SIAH1: variants seen among roughly 807,000 people sequenced by gnomAD.
SIAH1 encodes E3 ubiquitin-protein ligase SIAH1.
In SIAH1, 2 loss-of-function variants were observed where a neutral mutation model predicts 20.0. The observed-to-expected ratio is 0.10, with a 90% confidence interval of 0.04 to 0.31. The LOEUF is 0.31. SIAH1 is among the 10% of genes least tolerant of loss of function. SIAH1 has a pLI of 1.00. For missense variants in SIAH1, 119 were observed against 355.3 expected, an observed-to-expected ratio of 0.33 and a Z score of 5.35; for synonymous variants, 118 against 125.3, an observed-to-expected ratio of 0.94 and a Z score of 0.39.
At chr16:48,380,241 C>T (rs1961237343) in intron 1 of SIAH1, among the ~76,000 whole-genome samples, 1 of 151,586 alleles carries the variant, frequency 6.6e-6, no homozygotes, top group South Asian at 2.1e-4. Flanking sequence ...CAGGAGTTCA[C>T]CAGGCTGGCC....
chr16:48,378,837 G>C (rs1417131070), intron 1 of SIAH1, among the ~76,000 whole-genome samples: 1 of 152,166 alleles, frequency 6.6e-6, no homozygotes, highest in Non-Finnish European at 1.5e-5. Flanking sequence ...TTATCTGGCT[G>C]CATCTTCCAT....
chr16:48,370,620 T>G (rs939248653), intron 1 of SIAH1, among the ~76,000 whole-genome samples: 1 of 151,800 alleles, frequency 6.6e-6, no homozygotes. Flanking sequence ...TTATCGAGAC[T>G]ACAGTGAAAC....
At chr16:48,371,113 TCAAA>T (rs1960976353) in intron 1 of SIAH1, among the ~76,000 whole-genome samples, 1 of 35,154 alleles carries the variant, frequency 2.8e-5, no homozygotes. Context: ...AAATTCCATC[TCAAA>T]AAAAAAAAAA....
intron 1 of SIAH1, among the ~76,000 whole-genome samples, chr16:48,369,433 CA>C (rs1960927240): frequency 1.3e-5 from 2 of 152,176 alleles, no homozygotes; most frequent in Non-Finnish European, 2.9e-5. Flanking sequence ...TTGAGGCTTC[CA>C]CCCAAGCTAA....
intron 1 of SIAH1, among the ~76,000 whole-genome samples, chr16:48,374,718 A>T (rs1961062648): frequency 6.6e-6 from 1 of 152,148 alleles, no homozygotes; most frequent in Non-Finnish European, 1.5e-5. Flanking sequence ...AGAAGAAAAC[A>T]AAGCCAAAAT....
chr16:48,362,552 G>A lies in SIAH1; in HGVS notation c.-2-122C>T, dbSNP rs1960635708. The A allele has an allele frequency of 3.2e-6, 3 of 944,498 alleles. No homozygotes were observed. The East Asian group carries it at 7.9e-5, about 25-fold the overall frequency. The allele number at this position is 944,498 out of a possible 1,614,324, so 58.5% of individuals were successfully genotyped here. ...ATACAAAATTTACTGAGCAAAAGAG[G>A]AAGAAAAATAGGATTAAAAAAGATA... On this transcript the variant is annotated intron_variant, in intron 1 of 1. Transcript: ENST00000394725. This position sits in a 1 kb window ranked among gnomAD's most constrained non-coding sequence, Gnocchi z 4.2.
At chr16:48,371,008 G>A (rs1165571127) in intron 1 of SIAH1, among the ~76,000 whole-genome samples, 7 of 151,876 alleles carry the variant, frequency 4.6e-5, no homozygotes, top group African/African-American at 1.7e-4. Flanking sequence ...CAGCTACTAC[G>A]GAAGCTGAGG....
intron 1 of SIAH1, among the ~76,000 whole-genome samples, chr16:48,373,445 C>T (rs1961032386): frequency 6.6e-6 from 1 of 152,184 alleles, no homozygotes; most frequent in Admixed American, 6.5e-5. Flanking sequence ...GCCTTCGAGT[C>T]AGCCTTGATT....
chr16:48,384,943 C>A (rs1163153671), intron 1 of SIAH1, among the ~76,000 whole-genome samples: 9 of 145,766 alleles, frequency 6.2e-5, no homozygotes, highest in African/African-American at 2.2e-4. Context: ...GCGGGGCCGA[C>A]CCCCGCCGCC....
intron 1 of SIAH1, among the ~76,000 whole-genome samples, chr16:48,364,302 T>G (rs928790506): frequency 1.3e-5 from 2 of 152,224 alleles, no homozygotes; most frequent in Non-Finnish European, 2.9e-5. Flanking sequence ...ATAGTCATTC[T>G]GTTGCAAGGA....
chr16:48,364,109 C>T (rs887598766), intron 1 of SIAH1, among the ~76,000 whole-genome samples: 4 of 151,830 alleles, frequency 2.6e-5, no homozygotes, highest in South Asian at 2.1e-4. Flanking sequence ...GCCACCATGC[C>T]CGACTAATTT....
At position 48,362,332 on chromosome 16, in the gene SIAH1, T is replaced by C; in HGVS notation, c.97A>G (p.Asn33Asp). The change falls in exon 2 of 2, where the codon AAT becomes GAT. Residue 33 changes from asparagine (N) to aspartate (D), a missense_variant. Transcript: ENST00000394725. This position sits in a 1 kb window ranked among gnomAD's most constrained non-coding sequence, Gnocchi z 4.2. ...PALTGTTASN[N>D]DLASLFECPV... ...CACTCAAAAAGACTCGCCAAGTCAT[T>C]GTTGGATGCAGTTGTGCCAGTCAGG... 1 of 1,614,130 alleles carries C rather than the reference T, an allele frequency of 6.2e-7. No homozygotes were observed. Among genetic ancestry groups the C allele is most frequent in the Non-Finnish European group, 8.5e-7 (1 of 1,180,018 alleles).
chr16:48,386,235 G>C (rs1418316490), upstream of SIAH1, among the ~76,000 whole-genome samples: 1 of 152,182 alleles, frequency 6.6e-6, no homozygotes, highest in Non-Finnish European at 1.5e-5. Context: ...GTCCGGACGC[G>C]GTGGCTCACG....
In SIAH1 at chr16:48,377,390, C is replaced by CTTT. The variant is rs774317002; in HGVS notation, c.-3+7811_-3+7813dup. Among the ~76,000 whole-genome samples the CTTT allele has an allele frequency of 3.0e-4, 39 of 132,092 alleles. 1 individual carries two copies. The highest frequency in any genetic ancestry group is 9.2e-4 in the Admixed American group (12 of 13,012). 86.7% of individuals were successfully genotyped at this position (132,092 alleles called of 152,430 possible). A position where few individuals can be genotyped will look rare whatever the true frequency, so the allele number is the denominator to read the frequency against. ...ACATTAAACCTAAAGTTCTGGAAGA[C>CTTT]TTTTTTTTTTTTTTTTTTTGAGACA... On this transcript the variant is annotated intron_variant, in intron 1 of 1. Transcript: ENST00000394725.
intron 1 of SIAH1, among the ~76,000 whole-genome samples, chr16:48,383,536 C>T (rs796638061): frequency 7.9e-5 from 12 of 152,340 alleles, no homozygotes; most frequent in African/African-American, 2.9e-4. Flanking sequence ...ACCATAGATA[C>T]ACACTCAAGT....
At chr16:48,367,952 T>C (rs1960883944) in intron 1 of SIAH1, among the ~76,000 whole-genome samples, 1 of 152,024 alleles carries the variant, frequency 6.6e-6, no homozygotes, top group African/African-American at 2.4e-5. Flanking sequence ...GATGTCAATC[T>C]AAACAAAAAC....
intron 1 of SIAH1, among the ~76,000 whole-genome samples, chr16:48,366,941 C>CT (rs1208931610): frequency 2.6e-5 from 4 of 152,218 alleles, no homozygotes; most frequent in African/African-American, 9.6e-5. Context: ...GGGTCTCACT[C>CT]TGTTGCCCAG....
At chr16:48,371,147 G>A (rs1466425799) in intron 1 of SIAH1, among the ~76,000 whole-genome samples, 3 of 151,784 alleles carry the variant, frequency 2.0e-5, no homozygotes, top group African/African-American at 7.3e-5. Flanking sequence ...AGAGCAAGCT[G>A]GCACATGCCT....
chr16:48,375,780 T>C (rs1325595603), intron 1 of SIAH1, among the ~76,000 whole-genome samples: 2 of 152,254 alleles, frequency 1.3e-5, no homozygotes, highest in African/African-American at 4.8e-5. Flanking sequence ...TTCATGTATG[T>C]ATGCATGTAT....
Sources: gnomAD v4.1 joint callset for allele counts (sites outside exome capture counted in the v4.1 genomes callset) on GRCh38, gnomAD v4.1.1 for gene constraint, Gnocchi (gnomAD v3.1) non-coding constraint, MANE v1.5 for transcripts, NCBI Gene and HGNC (gene_info 2026-07-23, HGNC 2026-07-21) for gene names.